The following ABCC1 variants were observed in gnomAD, a reference collection of about 807,000 sequenced individuals.
ABCC1 encodes ATP binding cassette subfamily C member 1 (ABCC1 blood group).
ABCC1 carries 83 observed loss-of-function variants against 172.9 expected under a neutral mutation model. The ratio of observed to expected loss-of-function variants is 0.48; its 90% CI spans 0.40 to 0.58. ABCC1 has a LOEUF of 0.58. Ranked by LOEUF, ABCC1 falls within the 20% of genes least tolerant of loss-of-function variation. The pLI is 0.00. For missense variants in ABCC1, 1,817 were observed against 2,002.7 expected (o/e 0.91, Z 1.77); for synonymous variants, 937 against 825.2 (o/e 1.14, Z -2.32).
chr16:15,987,855 G>A (rs140763605), intron 1 of ABCC1, among the ~76,000 whole-genome samples: 128 of 152,326 alleles, frequency 8.4e-4, no homozygotes, highest in African/African-American at 2.7e-3. Flanking sequence ...GCCAGGCCTG[G>A]TCTGACTTCA....
intron 5 of ABCC1, among the ~76,000 whole-genome samples, chr16:16,026,631 A>G (rs1194203543): frequency 6.6e-6 from 1 of 151,070 alleles, no homozygotes; most frequent in East Asian, 2.0e-4. Context: ...TAGAAATGGC[A>G]ATTGCTGGGC....
intron 1 of ABCC1, among the ~76,000 whole-genome samples, chr16:15,969,311 T>C (rs150228268): frequency 6.6e-6 from 1 of 152,282 alleles, no homozygotes; most frequent in African/African-American, 2.4e-5. Flanking sequence ...AGATGAAATG[T>C]AACATGGATC....
At chr16:15,956,710 G>C (rs2046005837) in intron 1 of ABCC1, among the ~76,000 whole-genome samples, 1 of 152,120 alleles carries the variant, frequency 6.6e-6, no homozygotes, top group Non-Finnish European at 1.5e-5. Flanking sequence ...AAAATGTTAA[G>C]ATTAATTCAT....
At chr16:16,039,270 T>TTC (rs574723039) in intron 7 of ABCC1, among the ~76,000 whole-genome samples, 20,022 of 136,866 alleles carry the variant, frequency 0.15, 2,431 homozygotes, top group African/African-American at 0.31. Flanking sequence ...TGTTTTCTTT[T>TTC]TTTTTTTTTT....
intron 20 of ABCC1, among the ~76,000 whole-genome samples, chr16:16,103,617 A>C (rs1055533693): frequency 2.2e-4 from 33 of 152,240 alleles, no homozygotes; most frequent in Admixed American, 1.4e-3. Flanking sequence ...GCAGCAGCAG[A>C]AAACAGTAAA....
intron 22 of ABCC1, among the ~76,000 whole-genome samples, chr16:16,112,649 G>A (rs1369057158): frequency 6.6e-6 from 1 of 152,222 alleles, no homozygotes; most frequent in Non-Finnish European, 1.5e-5. Context: ...GGCAGCATTG[G>A]CATTGAACAA....
chr16:15,958,381 A>G lies in ABCC1; in HGVS notation c.48+8582A>G, dbSNP rs143609606. On this transcript the variant is annotated intron_variant, in intron 1 of 30. Coordinates refer to ENST00000399410, the MANE Select transcript of ABCC1 (RefSeq NM_004996.4). ...TTCCTCAGCCTCCCAAAGTGCTGGG[A>G]TTACAGGCATGAGCCACCGTGCCTG... 1.8e-3 allele frequency among the ~76,000 whole-genome samples: 268 copies of G among 152,214 alleles called. 1 individual carries two copies. Among genetic ancestry groups the G allele is most frequent in the African/African-American group, 6.1e-3 (255 of 41,538 alleles).
At chr16:15,965,536 C>T (rs1797912831) in intron 1 of ABCC1, among the ~76,000 whole-genome samples, 1 of 152,124 alleles carries the variant, frequency 6.6e-6, no homozygotes, top group South Asian at 2.1e-4. Flanking sequence ...TTGTGATCTG[C>T]CCACTTCGGC....
chr16:16,003,946 G>GC (rs1305267887), intron 1 of ABCC1, among the ~76,000 whole-genome samples: 1 of 150,618 alleles, frequency 6.6e-6, no homozygotes. Context: ...GAATTGGTTG[G>GC]GGGGGGTGGA....
chr16:15,970,617 A>G (rs891694110), intron 1 of ABCC1, among the ~76,000 whole-genome samples: 1 of 152,216 alleles, frequency 6.6e-6, no homozygotes, highest in Admixed American at 6.5e-5. Context: ...GGGAAGAGAA[A>G]AAGAACCAGA....
intron 1 of ABCC1, among the ~76,000 whole-genome samples, chr16:15,953,328 C>G (rs185641430): frequency 1.3e-5 from 2 of 149,862 alleles, no homozygotes; most frequent in East Asian, 3.9e-4. Context: ...GAGACTGTCT[C>G]AAAAGAAAAA....
intron 1 of ABCC1, among the ~76,000 whole-genome samples, chr16:15,998,180 G>A (rs62029800): frequency 0.83 from 125,824 of 151,244 alleles, 52,507 homozygotes; most frequent in Non-Finnish European, 0.87. Flanking sequence ...GGAGTGCCTG[G>A]GTGGGACGAT....
chr16:16,126,621 G>A (rs1157578597), intron 26 of ABCC1, among the ~76,000 whole-genome samples: 1 of 152,150 alleles, frequency 6.6e-6, no homozygotes, highest in South Asian at 2.1e-4. Flanking sequence ...TTGACCTCAG[G>A]TGATCCGCCT....
At chr16:15,980,511 A>C (rs754828258) in intron 1 of ABCC1, among the ~76,000 whole-genome samples, 1 of 152,148 alleles carries the variant, frequency 6.6e-6, no homozygotes. Flanking sequence ...CAGGAAGGAG[A>C]AGTGCTGAGC....
At chr16:15,984,647 C>T (rs1033477309) in intron 1 of ABCC1, among the ~76,000 whole-genome samples, 16 of 151,988 alleles carry the variant, frequency 1.1e-4, no homozygotes, top group African/African-American at 3.9e-4. Flanking sequence ...GGTTTCACCA[C>T]GTTGGCTGGG....
chr16:16,076,780 G>A (rs994059311), intron 15 of ABCC1, among the ~76,000 whole-genome samples: 4 of 152,188 alleles, frequency 2.6e-5, no homozygotes, highest in Non-Finnish European at 1.5e-5. Flanking sequence ...CTCCTGGTCT[G>A]CTTTATCCTC....
chr16:16,036,563 T>C lies in ABCC1; in HGVS notation c.769T>C (p.Leu257=), dbSNP rs371648632. ...CACGTCGGAACAAGTCGTGCCTGTT[T>C]TGGTAAAGAACTGGAAGAAGGAATG... ...EDTSEQVVPV[L]VKNWKKECAK... is the part of the protein sequence containing the mutation. The change falls in exon 7 of 31, where the codon TTG becomes CTG. Residue 257 remains leucine (L), a synonymous_variant. Transcript: ENST00000399410. The C allele has an allele frequency of 5.1e-5, 82 of 1,613,986 alleles. No homozygotes were observed. The East Asian group carries it at 1.7e-3, about 34-fold the overall frequency.
At chr16:15,952,716 TA>T (rs57105111) in intron 1 of ABCC1, among the ~76,000 whole-genome samples, 1,330 of 40,230 alleles carry the variant, frequency 0.033, 120 homozygotes, top group African/African-American at 0.15. Flanking sequence ...GTGAGTTCAT[TA>T]AAAAAAAAAA....
At chr16:15,956,363 TAAAAA>T (rs534755907) in intron 1 of ABCC1, among the ~76,000 whole-genome samples, 1 of 144,022 alleles carries the variant, frequency 6.9e-6, no homozygotes, top group South Asian at 2.2e-4. Flanking sequence ...AGACTCTGTC[TAAAAA>T]AAAAAAAACA....
Sources: allele counts gnomAD v4.1 joint callset (sites outside exome capture counted in the v4.1 genomes callset), GRCh38; gene constraint gnomAD v4.1.1; transcripts MANE v1.5; gene names NCBI Gene and HGNC (gene_info 2026-07-23, HGNC 2026-07-21).